Variants in LRRC34 observed in about 807,000 individuals in gnomAD.
The protein encoded by LRRC34 is leucine-rich repeat-containing protein 34.
LRRC34 carries 44 observed loss-of-function variants against 48.5 expected under a neutral mutation model. The observed-to-expected ratio is 0.91, with a 90% CI of 0.71 to 1.17. The LOEUF is 1.17. Ranked by LOEUF, LRRC34 falls within the 50% of genes most tolerant of loss-of-function variation. The pLI is 0.00. For synonymous variants in LRRC34, 192 were observed against 197.6 expected, an observed-to-expected ratio of 0.97 and a Z score of 0.24; for missense variants, 502 against 563.0, an observed-to-expected ratio of 0.89 and a Z score of 1.10.
At chr3:169,807,334 C>T (rs952613900) in intron 4 of LRRC34, 92 bp downstream of exon 4, 1 of 1,203,674 alleles carries the variant, frequency 8.3e-7, no homozygotes, top group South Asian at 1.2e-5. Context: ...GGACCCTTGA[C>T]ATCAGGTAAA....
At chr3:169,804,305 A>AT (rs1009473888) in intron 5 of LRRC34, 124 bp from the exon 6 acceptor site, 66 of 765,886 alleles carry the variant, frequency 8.6e-5, no homozygotes, top group East Asian at 2.1e-4. Context: ...CACGATATAT[A>AT]TTTTTTTTGA....
At chr3:169,799,590 G>A (rs1449796142) in intron 7 of LRRC34, among the ~76,000 whole-genome samples, 2 of 152,170 alleles carry the variant, frequency 1.3e-5, no homozygotes, top group Admixed American at 1.3e-4. Flanking sequence ...CCAGGAGGTG[G>A]AGGCTGCCGT....
chr3:169,812,427 G>A lies in LRRC34; in HGVS notation c.122C>T (p.Ala41Val), dbSNP rs1163124457. Residue 41 changes from alanine to valine, a missense_variant, in exon 1 of 11, where the codon GCC (alanine) becomes GTC (valine). Physicochemically the swap from Ala to Val is moderately conservative, Grantham distance 64 (BLOSUM62 0). Transcript: ENST00000446859. This position sits in a 1 kb window ranked among gnomAD's most constrained non-coding sequence, Gnocchi z 4.3. The part of the protein sequence containing the change: ...ASTQASTPGA[A>V]LAVQRESPES... ...CTTCTTACCGCGCTGGACCGCCAGG[G>A]CCGCGCCCGGAGTACTGGCCTGAGT... 6.5e-7 allele frequency: 1 copy of A among 1,529,180 alleles called. No individual in the cohort carries two copies. The highest frequency in any genetic ancestry group is 8.7e-7 in the Non-Finnish European group (1 of 1,144,696). The allele number at this position is 1,529,180 out of a possible 1,614,324, so 94.7% of individuals were successfully genotyped here. A position where few individuals can be genotyped will look rare whatever the true frequency, so the allele number is the denominator to read the frequency against.
intron 2 of LRRC34, chr3:169,807,968 A>G (rs763795447): frequency 1.5e-5 from 6 of 387,864 alleles, no homozygotes; most frequent in Admixed American, 8.6e-5. Context: ...TCACACAAAC[A>G]GTATCCCCAC....
intron 6 of LRRC34, among the ~76,000 whole-genome samples, chr3:169,802,496 A>G (rs1779228925): frequency 6.6e-6 from 1 of 152,154 alleles, no homozygotes; most frequent in Admixed American, 6.5e-5. Flanking sequence ...TTTTTGTAGC[A>G]CTTTCCTCTA....
chr3:169,796,816 T>C lies in LRRC34; in HGVS notation c.837A>G (p.Lys279=), dbSNP rs753936489. The stretch of plus-strand genomic sequence containing the variant: ...CACATAACTGTTGTATACCACTGTT[T>C]TTTATATCATGCTTACACATGTGTA... The part of the protein sequence containing the change: ...VALHMCKHDI[K]NSGIQQLCDA... The change falls in exon 8 of 11, where the codon AAA becomes AAG. Residue 279 remains lysine, a synonymous_variant. Coordinates refer to ENST00000446859, the MANE Select transcript of LRRC34 (RefSeq NM_001172779.2). 4 of 1,612,048 alleles carry C rather than the reference T, an allele frequency of 2.5e-6. No homozygotes were observed. Among genetic ancestry groups the C allele is most frequent in the Non-Finnish European group, 2.5e-6 (3 of 1,179,246 alleles).
chr3:169,796,343 A>G lies in LRRC34; in HGVS notation c.935T>C (p.Val312Ala). ...SCNKITHDGM[V>A]YLADVLKSNT... ...GCTTTTCAGTACATCAGCCAAATAC[A>G]CCATTCCATCATGAGTTATTTTGTT... Residue 312 changes from valine (V) to alanine (A), a missense_variant, in exon 9 of 11, where the codon GTG (valine) becomes GCG (alanine). Val to Ala is a moderately conservative substitution (Grantham distance 64, BLOSUM62 0). Coordinates refer to ENST00000446859, the MANE Select transcript of LRRC34 (RefSeq NM_001172779.2). The G allele has an allele frequency of 6.2e-7, 1 of 1,606,688 alleles. No homozygotes were observed. Among genetic ancestry groups the G allele is most frequent in the Non-Finnish European group, 8.5e-7 (1 of 1,178,214 alleles).
intron 1 of LRRC34, 141 bp from the exon 2 acceptor site, chr3:169,808,886 T>C (rs918549144): frequency 4.1e-5 from 23 of 563,088 alleles, no homozygotes; most frequent in Middle Eastern, 4.7e-4. Flanking sequence ...GAATTAAGGT[T>C]AGAAAAAGAG....
In LRRC34 at chr3:169,807,721, C is replaced by CAAAAAAAAAAAAAAA. The variant is rs377198673; in HGVS notation, c.258-27_258-13dup. 1.3e-6 allele frequency: 1 copy of CAAAAAAAAAAAAAAA among 757,530 alleles called. No individual in the cohort carries two copies. Among genetic ancestry groups the CAAAAAAAAAAAAAAA allele is most frequent in the African/African-American group, 3.1e-5 (1 of 32,178 alleles). The allele number at this position is 757,530 out of a possible 1,614,324, so 46.9% of individuals were successfully genotyped here. On this transcript the variant is annotated splice_polypyrimidine_tract_variant and intron_variant, in intron 2 of 10. Transcript: ENST00000446859. Reference sequence around the variant, plus strand: ...TTCCTGCTGCTAGCCTGTTAAAATACAAAAAAAAAAAAAAAAAAAAAAGAT... The same window carrying CAAAAAAAAAAAAAAA: ...TTCCTGCTGCTAGCCTGTTAAAATACAAAAAAAAAAAAAAAAAAAAAAAAAAAAAAAAAAAAAGAT...
chr3:169,799,221 G>A (rs1779102747), intron 7 of LRRC34, among the ~76,000 whole-genome samples: 1 of 152,182 alleles, frequency 6.6e-6, no homozygotes, highest in Non-Finnish European at 1.5e-5. Flanking sequence ...AGAGATCTAT[G>A]TAGGCAAAGA....
At chr3:169,796,521 T>C (rs1778995086) in intron 8 of LRRC34, 152 bp from the exon 9 acceptor site, 1 of 1,007,970 alleles carries the variant, frequency 9.9e-7, no homozygotes, top group Admixed American at 3.3e-5. Flanking sequence ...AAATTCACCA[T>C]AAAATATTGC....
At chr3:169,799,751 C>T (rs1391428406) in intron 7 of LRRC34, among the ~76,000 whole-genome samples, 3 of 152,202 alleles carry the variant, frequency 2.0e-5, no homozygotes, top group Admixed American at 6.5e-5. Context: ...CTCGCTCTGT[C>T]GCCCACGCTG....
chr3:169,795,768 C>G, intron 9 of LRRC34, 157 bp from the exon 10 acceptor site: 1 of 1,339,216 alleles, frequency 7.5e-7, no homozygotes, highest in East Asian at 2.8e-5. Context: ...ACTTAGTTTT[C>G]TAATTAGATC....
chr3:169,794,248 C>G (rs1383718577), intron 10 of LRRC34: 1 of 159,814 alleles, frequency 6.3e-6, no homozygotes, highest in African/African-American at 2.4e-5. Flanking sequence ...CTGCTGATAG[C>G]TAGTTACCCA....
At chr3:169,799,158 A>AT (rs1779099730) in intron 7 of LRRC34, among the ~76,000 whole-genome samples, 1 of 152,230 alleles carries the variant, frequency 6.6e-6, no homozygotes. Context: ...AAACAACGTG[A>AT]TGTAAAACCA....
At chr3:169,808,795 T>C (rs1560603353) in intron 1 of LRRC34, 50 bp from the exon 2 acceptor site, 3 of 1,062,658 alleles carry the variant, frequency 2.8e-6, no homozygotes, top group Non-Finnish European at 4.2e-6. Context: ...CTAGAAGCTT[T>C]AAAAAAAACC....
intron 6 of LRRC34, 147 bp downstream of exon 6, chr3:169,803,906 A>T (rs1779278892): frequency 3.5e-6 from 2 of 563,384 alleles, no homozygotes; most frequent in South Asian, 1.2e-4. Flanking sequence ...GATTTTATTA[A>T]TAATCTGCAC....
chr3:169,794,383 TATTA>T (rs1012001975), intron 10 of LRRC34: 5 of 152,166 alleles, frequency 3.3e-5, no homozygotes, highest in African/African-American at 9.7e-5. Context: ...GATGCGGACC[TATTA>T]ATTATTTCTT....
rs1288199608 is a variant in LRRC34, at chr3:169,812,236, C to T, written c.139+174G>A. On this transcript the variant is annotated intron_variant, in intron 1 of 10. Transcript: ENST00000446859. This position sits in a 1 kb window ranked among gnomAD's most constrained non-coding sequence, Gnocchi z 4.3. ...GGGCGACCGGGGACTCTTCTCCTGC[C>T]CTCGTTTCTGGGCGCCCCAAACCTC... Among the ~76,000 whole-genome samples, 9 of 152,232 alleles carry T rather than the reference C, an allele frequency of 5.9e-5. No individual in the cohort carries two copies. The highest frequency in any genetic ancestry group is 2.2e-4 in the African/African-American group (9 of 41,564).
Sources: gnomAD v4.1 joint callset for allele counts (sites outside exome capture counted in the v4.1 genomes callset) on GRCh38, gnomAD v4.1.1 for gene constraint, Gnocchi (gnomAD v3.1) non-coding constraint, MANE v1.5 for transcripts, NCBI Gene and HGNC (gene_info 2026-07-23, HGNC 2026-07-21) for gene names.